The following LSM12 variants were observed in gnomAD, a reference collection of about 807,000 sequenced individuals.
LSM12 encodes the protein LSM12 homolog.
For synonymous variants in LSM12, 74 were observed against 87.3 expected, an observed-to-expected ratio of 0.85 and a Z score of 0.85; for missense variants, 108 against 238.9, an observed-to-expected ratio of 0.45 and a Z score of 3.61.
At chr17:44,049,103 A>G (rs1325313182) in intron 2 of LSM12, among the ~76,000 whole-genome samples, 1 of 152,138 alleles carries the variant, frequency 6.6e-6, no homozygotes, top group African/African-American at 2.4e-5. Flanking sequence ...AGGCAGGACA[A>G]TCACTTGAAC....
At chr17:44,045,936 C>CTT (rs67446547) in intron 2 of LSM12, among the ~76,000 whole-genome samples, 2,325 of 122,520 alleles carry the variant, frequency 0.019, 130 homozygotes, top group African/African-American at 0.052. Flanking sequence ...AAATATTTTA[C>CTT]TTTTTTTTTT....
chr17:44,061,677 A>AAC (rs932715145), intron 2 of LSM12, among the ~76,000 whole-genome samples: 3 of 152,178 alleles, frequency 2.0e-5, no homozygotes, highest in Admixed American at 6.5e-5. Context: ...AACTGTACAG[A>AAC]ACACACCACA....
chr17:44,039,365 C>CTTTTTT (rs35411238), intron 3 of LSM12, among the ~76,000 whole-genome samples: 5 of 51,056 alleles, frequency 9.8e-5, no homozygotes, highest in Admixed American at 2.8e-4. Flanking sequence ...AACAAAATGT[C>CTTTTTT]TTTTTTTTTT....
At chr17:44,059,658 T>C (rs182169192) in intron 2 of LSM12, among the ~76,000 whole-genome samples, 234 of 152,332 alleles carry the variant, frequency 1.5e-3, no homozygotes, top group African/African-American at 5.4e-3. Flanking sequence ...AAGTGAACTA[T>C]CATTCGAAAG....
rs2049582703 is a variant in LSM12, at chr17:44,047,384, C to T, written c.259-7128G>A. Among the ~76,000 whole-genome samples the T allele has an allele frequency of 2.0e-5, 3 of 151,802 alleles. No individual in the cohort carries two copies. The South Asian group carries it at 6.2e-4, about 32-fold the overall frequency. On this transcript the variant is annotated intron_variant, in intron 2 of 4. Transcript: ENST00000293406. ...GCCTCAGCCTCCAGAGTAGCTAGGA[C>T]TACAGGCCCACACCACCACGCCCAG...
At chr17:44,065,458 AAG>A (rs1203342371) in intron 1 of LSM12, among the ~76,000 whole-genome samples, 17 of 146,412 alleles carry the variant, frequency 1.2e-4, no homozygotes, top group African/African-American at 4.0e-4. Context: ...AAAAAAAAAA[AAG>A]ATGCCATAAA....
chr17:44,066,955 A>C (rs778964342), upstream of LSM12, among the ~76,000 whole-genome samples: 24 of 152,184 alleles, frequency 1.6e-4, no homozygotes, highest in Non-Finnish European at 2.6e-4. Context: ...TGTTAACCCC[A>C]TTTTGCATAT....
chr17:44,054,908 G>A (rs2049691655), intron 2 of LSM12, among the ~76,000 whole-genome samples: 1 of 151,278 alleles, frequency 6.6e-6, no homozygotes, highest in Non-Finnish European at 1.5e-5. Flanking sequence ...GTGCAATCTC[G>A]GCTCACTGCA....
In LSM12 at chr17:44,040,115, C is replaced by G. The variant is rs530411133; in HGVS notation, c.368+32G>C. On this transcript the variant is annotated intron_variant, in intron 3 of 4. Transcript: ENST00000293406. The stretch of plus-strand genomic sequence containing the variant: ...ACAGCACAACCAGGTAGCATTACCC[C>G]AGGACAAAGGACCTCTCCGATCCCA... 2.6e-6 allele frequency: 4 copies of G among 1,545,978 alleles called. No individual in the cohort carries two copies. The South Asian group carries it at 4.5e-5, about 17-fold the overall frequency.
chr17:44,042,282 G>A (rs1412721627), intron 2 of LSM12, among the ~76,000 whole-genome samples: 2 of 150,688 alleles, frequency 1.3e-5, no homozygotes, highest in African/African-American at 2.4e-5. Flanking sequence ...GCAAGACTCC[G>A]TCTCAAAAAA....
chr17:44,045,203 T>A (rs2049545954), intron 2 of LSM12, among the ~76,000 whole-genome samples: 1 of 151,956 alleles, frequency 6.6e-6, no homozygotes, highest in South Asian at 2.1e-4. Flanking sequence ...AATTTTTGTA[T>A]TTTTAGTAGA....
intron 2 of LSM12, 111 bp from the exon 3 acceptor site, chr17:44,040,367 T>A (rs1271516019): frequency 2.7e-6 from 2 of 739,800 alleles, no homozygotes; most frequent in Non-Finnish European, 4.5e-6. Context: ...TTGGACAGAT[T>A]CTGTTTTCTC....
At chr17:44,039,583 T>G (rs1024161048) in intron 3 of LSM12, among the ~76,000 whole-genome samples, 3 of 148,724 alleles carry the variant, frequency 2.0e-5, no homozygotes, top group Non-Finnish European at 3.0e-5. Context: ...GGGTTTCACC[T>G]TGTTAGCCAG....
intron 2 of LSM12, among the ~76,000 whole-genome samples, chr17:44,060,423 T>C (rs1365573234): frequency 6.6e-6 from 1 of 152,212 alleles, no homozygotes; most frequent in East Asian, 1.9e-4. Flanking sequence ...AGGCTCTCTC[T>C]AATTCTAAGT....
chr17:44,036,433 T>G (rs2049416587), intron 4 of LSM12, 133 bp from the exon 5 acceptor site: 1 of 1,204,764 alleles, frequency 8.3e-7, no homozygotes, highest in Admixed American at 2.1e-5. Context: ...TTGCCCTTGC[T>G]GTCTATTGGC....
intron 2 of LSM12, among the ~76,000 whole-genome samples, chr17:44,041,457 C>CT (rs2049493397): frequency 6.6e-6 from 1 of 152,132 alleles, no homozygotes; most frequent in South Asian, 2.1e-4. Context: ...ATCTGAGACT[C>CT]TAAAAACTCT....
Position 44,050,516 on chromosome 17 carries a change from A to T in LSM12, c.259-10260T>A, listed in dbSNP as rs544281067. On this transcript the variant is annotated intron_variant, in intron 2 of 4. Transcript: ENST00000293406. ...CCTAGCTGAAAGCTTGTGCCTGAAC[A>T]TTTTTTTTTTTTTTGAGATGGAGTC... 9.1e-4 allele frequency among the ~76,000 whole-genome samples: 128 copies of T among 140,100 alleles called. 1 individual carries two copies. The highest frequency in any genetic ancestry group is 2.6e-3 in the African/African-American group (98 of 38,230). 91.9% of individuals were successfully genotyped at this position (140,100 alleles called of 152,430 possible). A position where few individuals can be genotyped will look rare whatever the true frequency, so the allele number is the denominator to read the frequency against.
At position 44,035,963 on chromosome 17, in the gene LSM12, G is replaced by T. The variant is rs1310113252; in HGVS notation, c.*245C>A. The T allele has an allele frequency of 1.4e-5, 4 of 291,156 alleles. No individual in the cohort carries two copies. In the East Asian group the frequency reaches 2.4e-4, roughly 18 times the overall value. The allele number at this position is 291,156 out of a possible 1,614,324, so 18.0% of individuals were successfully genotyped here. On this transcript the variant is annotated 3_prime_UTR_variant, in exon 5 of 5. Coordinates refer to ENST00000293406, the MANE Select transcript of LSM12 (RefSeq NM_001371445.1). ...TAACAAGGTGACTGTTCCAGAAGAG[G>T]GCTGTGAAAAGGACATGGTGGACCG...
chr17:44,066,355 G>T (rs2049876873), intron 1 of LSM12, 109 bp downstream of exon 1: 2 of 1,367,728 alleles, frequency 1.5e-6, no homozygotes, highest in South Asian at 3.1e-5. Context: ...CGCGGTAGCC[G>T]GTCGCCCCTA....
Sources: allele counts gnomAD v4.1 joint callset (sites outside exome capture counted in the v4.1 genomes callset), GRCh38; gene constraint gnomAD v4.1.1; transcripts MANE v1.5; gene names NCBI Gene and HGNC (gene_info 2026-07-23, HGNC 2026-07-21).